GPR149: variants seen among roughly 807,000 people sequenced by gnomAD.
The protein encoded by GPR149 is probable G protein-coupled receptor 149.
In GPR149, 50 loss-of-function variants were observed where a neutral mutation model predicts 50.2. The observed-to-expected ratio is 1.00, with a 90% CI of 0.79 to 1.26. The LOEUF is 1.26. Among genes scored for constraint, GPR149 ranks in the 50% most tolerant of loss-of-function variants. The probability of loss-of-function intolerance (pLI) is 0.00; values close to 1 mark genes in which losing one functional copy is unlikely to be tolerated. For synonymous variants in GPR149, 405 were observed against 358.2 expected (o/e 1.13, Z -1.48); for missense variants, 983 against 895.4 (o/e 1.10, Z -1.25).
chr3:154,363,235 A>G (rs993498860), intron 3 of GPR149, among the ~76,000 whole-genome samples: 2 of 152,102 alleles, frequency 1.3e-5, no homozygotes, highest in Non-Finnish European at 2.9e-5. Context: ...GAAAAATTAT[A>G]TTTTTGCAAA....
intron 3 of GPR149, among the ~76,000 whole-genome samples, chr3:154,396,304 C>G (rs1010256929): frequency 6.6e-6 from 1 of 152,060 alleles, no homozygotes; most frequent in Non-Finnish European, 1.5e-5. Context: ...AAGAAATTTT[C>G]ATTTTTGTTT....
At chr3:154,410,241 T>C (rs1359416357) in intron 3 of GPR149, among the ~76,000 whole-genome samples, 1 of 152,086 alleles carries the variant, frequency 6.6e-6, no homozygotes, top group Non-Finnish European at 1.5e-5. Context: ...GCTCTAACTA[T>C]TGAAACCAAT....
intron 3 of GPR149, among the ~76,000 whole-genome samples, chr3:154,367,914 A>G (rs2108399026): frequency 6.6e-6 from 1 of 152,280 alleles, no homozygotes; most frequent in South Asian, 2.1e-4. Flanking sequence ...TAGAATTCAG[A>G]GGCTAAACTG....
At position 154,428,992 on chromosome 3, in the gene GPR149, G is replaced by C. The variant is rs1192280101; in HGVS notation, c.624C>G (p.Leu208=). Residue 208 remains leucine (L), a synonymous_variant, in exon 1 of 4, where the codon CTC becomes CTG. Coordinates refer to ENST00000389740, the MANE Select transcript of GPR149 (RefSeq NM_001038705.3). ...GCAATCGGTGAGTGAGTGGGACTGAGAGGCCCACGAGGAGTCCGAAGGCCA... is the reference window on the plus strand; with the variant it reads ...GCAATCGGTGAGTGAGTGGGACTGACAGGCCCACGAGGAGTCCGAAGGCCA... ...YALAFGLLVG[L]SVPLTHRLLC... 6.2e-7 allele frequency: 1 copy of C among 1,614,058 alleles called. No homozygotes were observed. The highest frequency in any genetic ancestry group is 8.5e-7 in the Non-Finnish European group (1 of 1,179,994).
At chr3:154,417,956 A>C (rs1271783011) in intron 3 of GPR149, among the ~76,000 whole-genome samples, 1 of 152,112 alleles carries the variant, frequency 6.6e-6, no homozygotes, top group Non-Finnish European at 1.5e-5. Flanking sequence ...AATTTTGTAA[A>C]CAAATTTACA....
rs72996700 is a variant in GPR149, at chr3:154,337,867, C to A, written c.2028G>T (p.Leu676Phe). 1.0e-3 allele frequency: 1,680 copies of A among 1,612,524 alleles called. 18 individuals carry two copies. The African/African-American group carries it at 0.02, about 19-fold the overall frequency. ...TATCACCATCAGGATTACTGGTGGG[C>A]AAAAAGAGGGAGTATGAGGCTGTTT... ...LGETASYSLFLPTSNPDGDIN... is the reference protein window; with the variant it reads ...LGETASYSLFFPTSNPDGDIN... The change falls in exon 4 of 4, where the codon TTG (leucine) becomes TTT (phenylalanine). Residue 676 changes from leucine (L) to phenylalanine (F), a missense_variant. Physicochemically the swap from Leu to Phe is conservative, Grantham distance 22 (BLOSUM62 0). Coordinates refer to ENST00000389740, the MANE Select transcript of GPR149 (RefSeq NM_001038705.3).
In GPR149 at chr3:154,429,865, TA is replaced by T; in HGVS notation, c.-251del. On this transcript the variant is annotated 5_prime_UTR_variant, in exon 1 of 4. It introduces an in-frame stop codon into an upstream open reading frame of the 5' UTR. Transcript: ENST00000389740. ...ACAGATAACTTTTCAACATTCCAAT[TA>T]AAAACAAAGCAAAAACTCCTTCCCA... 2.7e-6 allele frequency: 1 copy of T among 373,262 alleles called. No individual in the cohort carries two copies. 23.1% of individuals were successfully genotyped at this position (373,262 alleles called of 1,614,324 possible).
At chr3:154,345,240 A>G (rs1713895160) in intron 3 of GPR149, among the ~76,000 whole-genome samples, 2 of 152,238 alleles carry the variant, frequency 1.3e-5, no homozygotes, top group African/African-American at 4.8e-5. Context: ...ATCATCTTTT[A>G]AAACATTGCT....
rs567413200 is a variant in GPR149, at chr3:154,368,884, A to G, written c.1624-30613T>C. On this transcript the variant is annotated intron_variant, in intron 3 of 3. Transcript: ENST00000389740. ...AGCATGCAAGCATCAGTGGTGCCCC[A>G]GACCCGGGCCTTGCCACCCTGGAAC... 2.6e-5 allele frequency among the ~76,000 whole-genome samples: 4 copies of G among 152,338 alleles called. No homozygotes were observed. The East Asian group carries it at 7.7e-4, about 29-fold the overall frequency.
At chr3:154,423,437 T>G (rs1458658124) in intron 2 of GPR149, among the ~76,000 whole-genome samples, 5 of 151,900 alleles carry the variant, frequency 3.3e-5, no homozygotes, top group Admixed American at 2.6e-4. Context: ...GAAAGAATTA[T>G]GTTAATGGAA....
At chr3:154,422,778 C>T (rs1329666822) in intron 2 of GPR149, among the ~76,000 whole-genome samples, 1 of 151,728 alleles carries the variant, frequency 6.6e-6, no homozygotes, top group African/African-American at 2.4e-5. Context: ...TATACTGTCT[C>T]ATTTATATTT....
chr3:154,408,116 GGA>G (rs1400555712), intron 3 of GPR149, among the ~76,000 whole-genome samples: 1 of 152,122 alleles, frequency 6.6e-6, no homozygotes, highest in East Asian at 1.9e-4. Context: ...GGTAAACGAA[GGA>G]GAAGAGATAG....
chr3:154,391,928 T>G (rs1372315077), intron 3 of GPR149, among the ~76,000 whole-genome samples: 2 of 151,768 alleles, frequency 1.3e-5, no homozygotes, highest in Non-Finnish European at 2.9e-5. Context: ...AAGAAGGATA[T>G]TATACAAAGA....
Position 154,337,681 on chromosome 3 carries a change from T to C in GPR149, c.*18A>G. 1 of 1,549,918 alleles carries C rather than the reference T, an allele frequency of 6.5e-7. No individual in the cohort carries two copies. The highest frequency in any genetic ancestry group is 8.7e-7 in the Non-Finnish European group (1 of 1,145,728). ...GACGTTGCAGATCCATTCTTGCTCC[T>C]GTTAGACCAAATACCCACTAACTAC... On this transcript the variant is annotated 3_prime_UTR_variant, in exon 4 of 4. Transcript: ENST00000389740.
intron 3 of GPR149, among the ~76,000 whole-genome samples, chr3:154,351,313 C>CAAAAAAAAAAAAAAAAAAAAAAAA (rs71155003): frequency 1.3e-5 from 1 of 75,528 alleles, no homozygotes; most frequent in Non-Finnish European, 2.4e-5. Context: ...CATCCACATA[C>CAAAAAAAAAAAAAAAAAAAAAAAA]AAAAAAAAAA....
intron 3 of GPR149, among the ~76,000 whole-genome samples, chr3:154,343,987 C>G (rs537530813): frequency 6.6e-6 from 1 of 150,662 alleles, no homozygotes; most frequent in Admixed American, 6.6e-5. Context: ...CACCGCCCCC[C>G]CAAAAAAAAA....
intron 3 of GPR149, among the ~76,000 whole-genome samples, chr3:154,367,906 G>A (rs1328110948): frequency 6.6e-6 from 1 of 152,150 alleles, no homozygotes; most frequent in Non-Finnish European, 1.5e-5. Flanking sequence ...TCTTTCCTTA[G>A]AATTCAGAGG....
At chr3:154,362,049 C>A (rs961121889) in intron 3 of GPR149, among the ~76,000 whole-genome samples, 1 of 152,038 alleles carries the variant, frequency 6.6e-6, no homozygotes, top group East Asian at 1.9e-4. Context: ...CTTAGAATAT[C>A]CTAAAAAAGA....
chr3:154,416,972 T>C (rs1294877453), intron 3 of GPR149, among the ~76,000 whole-genome samples: 2 of 151,814 alleles, frequency 1.3e-5, no homozygotes, highest in East Asian at 1.9e-4. Flanking sequence ...AAACAAAACA[T>C]TAAAAGGAAA....
Sources: gnomAD v4.1 joint callset for allele counts (sites outside exome capture counted in the v4.1 genomes callset) on GRCh38, gnomAD v4.1.1 for gene constraint, MANE v1.5 for transcripts, NCBI Gene and HGNC (gene_info 2026-07-23, HGNC 2026-07-21) for gene names.